ALK: variants seen among roughly 807,000 people sequenced by gnomAD.
ALK encodes the protein ALK receptor tyrosine kinase.
In ALK, 74 loss-of-function variants were observed where a neutral mutation model predicts 163.1. The ratio of observed to expected loss-of-function variants is 0.45; its 90% CI spans 0.38 to 0.55. The LOEUF is 0.55. ALK is among the 20% of genes least tolerant of loss of function. The probability of loss-of-function intolerance (pLI) is 0.00; values close to 1 mark genes in which losing one functional copy is unlikely to be tolerated. For missense variants in ALK, 2,063 were observed against 2,105.3 expected, an observed-to-expected ratio of 0.98 and a Z score of 0.39; for synonymous variants, 960 against 843.2, an observed-to-expected ratio of 1.14 and a Z score of -2.40.
chr2:29,821,847 C>A (rs983901953), intron 1 of ALK, among the ~76,000 whole-genome samples: 1 of 152,172 alleles, frequency 6.6e-6, no homozygotes, highest in African/African-American at 2.4e-5. Context: ...CTGAACTGCC[C>A]TTCCCACTGT....
chr2:29,677,987 A>G (rs543175832), intron 3 of ALK, among the ~76,000 whole-genome samples: 77 of 152,118 alleles, frequency 5.1e-4, no homozygotes, highest in Non-Finnish European at 8.7e-4. Flanking sequence ...TCAGATTTTA[A>G]TATTTCTTCC....
intron 1 of ALK, among the ~76,000 whole-genome samples, chr2:29,778,023 G>A (rs561648107): frequency 5.9e-5 from 9 of 152,338 alleles, no homozygotes; most frequent in Middle Eastern, 3.4e-3. Context: ...GGACACCTCA[G>A]CTCCAGGTAG....
chr2:29,730,895 G>C (rs1027884759), intron 1 of ALK, among the ~76,000 whole-genome samples: 17 of 152,112 alleles, frequency 1.1e-4, no homozygotes. Flanking sequence ...AGGAGATGTG[G>C]CCACAATCAC....
intron 3 of ALK, among the ~76,000 whole-genome samples, chr2:29,541,054 T>G (rs1261226411): frequency 1.3e-5 from 2 of 152,186 alleles, no homozygotes; most frequent in African/African-American, 4.8e-5. Flanking sequence ...AAATACCTTT[T>G]ATTTATGATC....
chr2:29,641,036 G>C (rs1676686437), intron 3 of ALK, among the ~76,000 whole-genome samples: 1 of 152,268 alleles, frequency 6.6e-6, no homozygotes, highest in South Asian at 2.1e-4. Context: ...ATAGTGCTTG[G>C]CGGGGGCAGT....
At chr2:29,652,818 G>C (rs559993440) in intron 3 of ALK, among the ~76,000 whole-genome samples, 10 of 152,106 alleles carry the variant, frequency 6.6e-5, no homozygotes, top group Non-Finnish European at 1.3e-4. Context: ...GAGGGCATGG[G>C]AGCACCACAC....
At chr2:29,823,022 G>A (rs894835685) in intron 1 of ALK, among the ~76,000 whole-genome samples, 3 of 152,166 alleles carry the variant, frequency 2.0e-5, no homozygotes, top group African/African-American at 7.2e-5. Flanking sequence ...GAATTTCCAC[G>A]TGTTATGGGA....
chr2:29,559,379 C>T (rs1002621868), intron 3 of ALK, among the ~76,000 whole-genome samples: 17 of 152,164 alleles, frequency 1.1e-4, no homozygotes, highest in African/African-American at 4.1e-4. Flanking sequence ...AGAAGCAGCC[C>T]CAAACGTCTG....
chr2:29,297,450 T>C (rs1262944383), intron 8 of ALK, among the ~76,000 whole-genome samples: 1 of 152,222 alleles, frequency 6.6e-6, no homozygotes, highest in Non-Finnish European at 1.5e-5. Context: ...CTTTGTGACC[T>C]TGGACAAATG....
intron 1 of ALK, among the ~76,000 whole-genome samples, chr2:29,881,658 C>T (rs975986841): frequency 1.3e-5 from 2 of 152,164 alleles, no homozygotes; most frequent in Non-Finnish European, 2.9e-5. Context: ...GGAAATTTCA[C>T]AGGCAAGAAT....
intron 26 of ALK, among the ~76,000 whole-genome samples, chr2:29,202,097 G>C (rs1473556067): frequency 1.3e-5 from 2 of 152,046 alleles, no homozygotes; most frequent in East Asian, 3.9e-4. Flanking sequence ...ATTGGCCCTG[G>C]GCTCCCTTAG....
At chr2:29,618,206 C>T (rs1251022939) in intron 3 of ALK, among the ~76,000 whole-genome samples, 4 of 152,136 alleles carry the variant, frequency 2.6e-5, no homozygotes, top group African/African-American at 4.8e-5. Flanking sequence ...TGTTTCTGAT[C>T]AAAGGTCAAC....
intron 5 of ALK, among the ~76,000 whole-genome samples, chr2:29,339,375 T>C (rs1667724214): frequency 6.6e-6 from 1 of 152,074 alleles, no homozygotes; most frequent in Non-Finnish European, 1.5e-5. Context: ...TGAAAGGATG[T>C]TCCTGATCTA....
chr2:29,617,769 C>G (rs543190488), intron 3 of ALK, among the ~76,000 whole-genome samples: 1 of 152,218 alleles, frequency 6.6e-6, no homozygotes, highest in Admixed American at 6.5e-5. Flanking sequence ...TTGTAACAGT[C>G]TTGAATGAAG....
At chr2:29,786,494 G>A (rs375650604) in intron 1 of ALK, among the ~76,000 whole-genome samples, 2 of 152,230 alleles carry the variant, frequency 1.3e-5, no homozygotes, top group African/African-American at 4.8e-5. Context: ...ATACCTAGAT[G>A]TGTGTTAAGA....
intron 4 of ALK, among the ~76,000 whole-genome samples, chr2:29,509,526 A>G (rs1672451366): frequency 6.6e-6 from 1 of 152,158 alleles, no homozygotes; most frequent in Admixed American, 6.5e-5. Flanking sequence ...CTTCCAGGCA[A>G]CTATCTCTCT....
At chr2:29,449,521 C>T (rs899716580) in intron 4 of ALK, among the ~76,000 whole-genome samples, 23 of 152,176 alleles carry the variant, frequency 1.5e-4, no homozygotes, top group African/African-American at 5.3e-4. Context: ...AATGTGGGCT[C>T]TGACAGTCAC....
At chr2:29,497,113 A>G (rs1672048527) in intron 4 of ALK, among the ~76,000 whole-genome samples, 1 of 152,160 alleles carries the variant, frequency 6.6e-6, no homozygotes, top group Admixed American at 6.5e-5. Context: ...TCTACTAAAA[A>G]ATATGAAAAT....
intron 3 of ALK, among the ~76,000 whole-genome samples, chr2:29,596,532 A>G (rs1339706474): frequency 2.0e-5 from 3 of 152,186 alleles, no homozygotes; most frequent in Non-Finnish European, 2.9e-5. Flanking sequence ...TTAAGAAACA[A>G]TAGAGATTCA....
Sources: allele counts gnomAD v4.1 joint callset (sites outside exome capture counted in the v4.1 genomes callset), GRCh38; gene constraint gnomAD v4.1.1; transcripts MANE v1.5; gene names NCBI Gene and HGNC (gene_info 2026-07-23, HGNC 2026-07-21).